Variants in TTC21A observed in about 807,000 individuals in gnomAD.
TTC21A encodes the protein tetratricopeptide repeat domain 21A, also known as tetratricopeptide repeat protein 21A.
Under a neutral mutation model 156.4 loss-of-function variants are expected in TTC21A, and 128 were observed. The observed-to-expected ratio is 0.82, with a 90% CI of 0.71 to 0.95. The LOEUF (loss-of-function observed/expected upper bound fraction) is 0.95, where lower values mean the gene tolerates loss of function less well. Ranked by LOEUF, TTC21A falls within the 40% of genes least tolerant of loss-of-function variation. TTC21A has a pLI of 0.00. For synonymous variants in TTC21A, 587 were observed against 617.1 expected (o/e 0.95, Z 0.72); for missense variants, 1,435 against 1,602.3 (o/e 0.90, Z 1.78).
Position 39,107,848 on chromosome 3 carries a change from A to G in TTC21A, c.11A>G (p.Asn4Ser). Residue 4 changes from asparagine (N) to serine (S), a missense_variant, in exon 1 of 29, where the codon AAT (asparagine) becomes AGT (serine). Physicochemically the swap from Asn to Ser is conservative, Grantham distance 46. Transcript: ENST00000683103. ...CGCGAGCGGCCCGAGATGAGCAGCAATGACTCCTCCCTTATGGTGCGTGGC... is the reference window on the plus strand; with the variant it reads ...CGCGAGCGGCCCGAGATGAGCAGCAGTGACTCCTCCCTTATGGTGCGTGGC... MSS[N>S]DSSLMAGIIY... 6.2e-7 allele frequency: 1 copy of G among 1,612,910 alleles called. No homozygotes were observed. Among genetic ancestry groups the G allele is most frequent in the Non-Finnish European group, 8.5e-7 (1 of 1,179,930 alleles).
intron 5 of TTC21A, 109 bp downstream of exon 5, chr3:39,112,689 C>G: frequency 6.7e-7 from 1 of 1,491,362 alleles, no homozygotes; most frequent in Non-Finnish European, 9.0e-7. Context: ...GATGCCTCAT[C>G]TCGTAGATAA....
chr3:39,112,511 G>A lies in TTC21A; in HGVS notation c.489G>A (p.Ala163=), dbSNP rs199978343. 205 of 1,614,046 alleles carry A rather than the reference G, an allele frequency of 1.3e-4. 1 individual carries two copies. The highest frequency in any genetic ancestry group is 1.6e-4 in the Non-Finnish European group (190 of 1,180,040). Residue 163 remains alanine, a synonymous_variant, in exon 5 of 29, where the codon GCG becomes GCA. Transcript: ENST00000683103. The part of the protein sequence containing the change: ...VDLTSDKPHT[A]KKAIEYLEQG... ...TGACCTCAGACAAGCCCCACACTGC[G>A]AAGAAAGCCATTGAGTACCTGGAAC...
chr3:39,126,294 C>G lies in TTC21A; in HGVS notation c.1426C>G (p.Leu476Val), dbSNP rs755900024. ...RLPGQIVSPLLKQVAVILNPV... is the reference protein window; with the variant it reads ...RLPGQIVSPLVKQVAVILNPV... ...ACCAGGCCAGATCGTGTCTCCACTT[C>G]TTAAACAAGTCGCCGTGATCTTGAA... is the stretch of plus-strand genomic sequence containing the variant. The change falls in exon 12 of 29, where the codon CTT becomes GTT. Residue 476 changes from leucine to valine, a missense_variant. By Grantham distance (32) the Leu-to-Val change is conservative. Transcript: ENST00000683103. 3 of 1,614,042 alleles carry G rather than the reference C, an allele frequency of 1.9e-6. No individual in the cohort carries two copies. The African/African-American group carries it at 4.0e-5, about 22-fold the overall frequency.
rs1490927958 is a variant in TTC21A at position 39,130,975 on chromosome 3, G to A, written c.2459-17G>A. The A allele has an allele frequency of 1.2e-6, 2 of 1,611,736 alleles. No individual in the cohort carries two copies. Among genetic ancestry groups the A allele is most frequent in the South Asian group, 2.2e-5 (2 of 90,728 alleles). On this transcript the variant is annotated splice_polypyrimidine_tract_variant and intron_variant, in intron 18 of 28. Coordinates refer to ENST00000683103, the MANE Select transcript of TTC21A (RefSeq NM_001366900.1). This position sits in a 1 kb window ranked among gnomAD's most constrained non-coding sequence, Gnocchi z 4.5. ...GGAGCCAGTGAACTAACACTAATTT[G>A]AGTTTCCATTTAACAGTCCAAGACA...
intron 12 of TTC21A, among the ~76,000 whole-genome samples, chr3:39,127,967 A>G (rs1008917145): frequency 5.3e-5 from 8 of 152,212 alleles, no homozygotes; most frequent in African/African-American, 1.7e-4. Context: ...AATTGTAACT[A>G]TTATAGTTGC....
intron 4 of TTC21A, among the ~76,000 whole-genome samples, chr3:39,111,618 C>T (rs1247712839): frequency 6.6e-6 from 1 of 152,128 alleles, no homozygotes; most frequent in East Asian, 1.9e-4. Context: ...TACCAATTTT[C>T]AAGGGTGTAG....
chr3:39,118,419 C>A, intron 7 of TTC21A: 1 of 538,264 alleles, frequency 1.9e-6, no homozygotes, highest in South Asian at 2.6e-5. Context: ...GGGCAGGTGT[C>A]CCCACCTGGA....
At chr3:39,111,510 T>G (rs2036825464) in intron 4 of TTC21A, among the ~76,000 whole-genome samples, 1 of 152,208 alleles carries the variant, frequency 6.6e-6, no homozygotes, top group African/African-American at 2.4e-5. Context: ...CTGCTGGAAC[T>G]GAATGGTGGC....
intron 6 of TTC21A, among the ~76,000 whole-genome samples, chr3:39,115,191 T>G (rs1031156696): frequency 6.6e-6 from 1 of 152,028 alleles, no homozygotes; most frequent in African/African-American, 2.4e-5. Context: ...GAGAGAAGTG[T>G]TTTAGCAGCA....
chr3:39,113,731 A>C (rs185846139), intron 5 of TTC21A, among the ~76,000 whole-genome samples: 54 of 152,372 alleles, frequency 3.5e-4, no homozygotes, highest in Non-Finnish European at 7.6e-4. Context: ...AATATTCAAA[A>C]TGTCAGTTTG....
At chr3:39,115,891 C>T (rs2037252846) in intron 6 of TTC21A, among the ~76,000 whole-genome samples, 1 of 152,148 alleles carries the variant, frequency 6.6e-6, no homozygotes, top group South Asian at 2.1e-4. Context: ...ATCCTAATTC[C>T]TCTGCTGATG....
chr3:39,118,242 G>C (rs752025313), intron 7 of TTC21A, 89 bp downstream of exon 7: 1 of 1,289,390 alleles, frequency 7.8e-7, no homozygotes, highest in Non-Finnish European at 1.1e-6. Context: ...CAAAGCCCTT[G>C]TAGGGAGCTC....
Position 39,138,537 on chromosome 3 carries a change from C to T in TTC21A, c.3797-19C>T. On this transcript the variant is annotated intron_variant, in intron 27 of 28. Coordinates refer to ENST00000683103, the MANE Select transcript of TTC21A (RefSeq NM_001366900.1). ...GGTCACCAGGGTGCCACCATCTTTG[C>T]TCTCCATGTCCCCGGTAGGCTTCAA... 6.2e-7 allele frequency: 1 copy of T among 1,614,196 alleles called. No homozygotes were observed. Among genetic ancestry groups the T allele is most frequent in the Non-Finnish European group, 8.5e-7 (1 of 1,180,022 alleles).
intron 4 of TTC21A, among the ~76,000 whole-genome samples, chr3:39,111,302 T>G (rs980765722): frequency 6.6e-6 from 1 of 152,174 alleles, no homozygotes; most frequent in Non-Finnish European, 1.5e-5. Flanking sequence ...AGCCTCAACC[T>G]CCTAGGCACA....
chr3:39,133,053 C>A lies in TTC21A; in HGVS notation c.2564C>A (p.Ala855Asp), dbSNP rs1203805946. 1 of 1,614,110 alleles carries A rather than the reference C, an allele frequency of 6.2e-7. No individual in the cohort carries two copies. ...KEAVIETLNK[A>D]LDLQSRILKR... Reference sequence around the variant, plus strand: ...TCCTGGCTTGATTGGTTTCTCGAGGCCTTGGACCTCCAGTCTCGGATACTG... The same window carrying A: ...TCCTGGCTTGATTGGTTTCTCGAGGACTTGGACCTCCAGTCTCGGATACTG... The change falls in exon 20 of 29, where the codon GCC becomes GAC. Residue 855 changes from alanine (A) to aspartate (D), a missense_variant and splice_region_variant. Transcript: ENST00000683103.
chr3:39,130,477 C>A lies in TTC21A; in HGVS notation c.2319+119C>A. Reference sequence around the variant, plus strand: ...AGAGTGGCTGACTTTTCACTCAGCTCCTTGCTGAATGGGGTGCCAAGGGGA... The same window carrying A: ...AGAGTGGCTGACTTTTCACTCAGCTACTTGCTGAATGGGGTGCCAAGGGGA... On this transcript the variant is annotated intron_variant, in intron 17 of 28. Transcript: ENST00000683103. The surrounding 1 kb of genome is among the most constrained non-coding windows in gnomAD (Gnocchi z 4.5). 1 of 956,888 alleles carries A rather than the reference C, an allele frequency of 1.0e-6. No individual in the cohort carries two copies. The highest frequency in any genetic ancestry group is 1.6e-6 in the Non-Finnish European group (1 of 643,262). The allele number at this position is 956,888 out of a possible 1,614,324, so 59.3% of individuals were successfully genotyped here.
intron 5 of TTC21A, 89 bp downstream of exon 5, chr3:39,112,669 G>T: frequency 6.5e-7 from 1 of 1,542,306 alleles, no homozygotes; most frequent in Non-Finnish European, 8.7e-7. Flanking sequence ...CCAAACCCTC[G>T]TAGTCTCCAG....
At chr3:39,123,899 G>A (rs984496426) in intron 9 of TTC21A, among the ~76,000 whole-genome samples, 7 of 152,090 alleles carry the variant, frequency 4.6e-5, no homozygotes, top group African/African-American at 1.7e-4. Context: ...CAGTAGAAAG[G>A]AAAAGGCTAT....
At chr3:39,128,665 C>G in intron 13 of TTC21A, 52 bp from the exon 14 acceptor site, 1 of 1,590,088 alleles carries the variant, frequency 6.3e-7, no homozygotes, top group Non-Finnish European at 8.6e-7. Flanking sequence ...CTGTGAGCAG[C>G]AGCAGTAGCA....
Sources: gnomAD v4.1 joint callset for allele counts (sites outside exome capture counted in the v4.1 genomes callset) on GRCh38, gnomAD v4.1.1 for gene constraint, Gnocchi (gnomAD v3.1) non-coding constraint, MANE v1.5 for transcripts, NCBI Gene and HGNC (gene_info 2026-07-23, HGNC 2026-07-21) for gene names.